EREG: variants seen among roughly 807,000 people sequenced by gnomAD.
EREG encodes proepiregulin.
Under a neutral mutation model 22.4 loss-of-function variants are expected in EREG, and 23 were observed. That is an observed-to-expected ratio of 1.03 (90% CI 0.74 to 1.46). The LOEUF is 1.46. Among genes scored for constraint, EREG ranks in the 40% most tolerant of loss-of-function variants. The pLI, the probability that EREG is intolerant of heterozygous loss-of-function variation, is 0.00. For missense variants in EREG, 226 were observed against 205.9 expected (o/e 1.10, Z -0.60); for synonymous variants, 100 against 75.4 (o/e 1.33, Z -1.69).
Position 74,385,693 on chromosome 4 carries a change from C to A in EREG, c.*885C>A, listed in dbSNP as rs887794674. On this transcript the variant is annotated 3_prime_UTR_variant, in exon 5 of 5. Coordinates refer to ENST00000244869, the MANE Select transcript of EREG (RefSeq NM_001432.3). ...TTTAGACTATTTCTTTTTATAGGGG[C>A]TTTGCTGAATTCTAACATTAAATCA... is the stretch of plus-strand genomic sequence containing the variant. 3 of 371,200 alleles carry A rather than the reference C, an allele frequency of 8.1e-6. No individual in the cohort carries two copies. The highest frequency in any genetic ancestry group is 1.4e-5 in the Non-Finnish European group (3 of 208,744). The allele number at this position is 371,200 out of a possible 1,614,324, so 23.0% of individuals were successfully genotyped here.
At chr4:74,365,409 A>G (rs1752160173) in intron 1 of EREG, 34 bp downstream of exon 1, 1 of 1,603,918 alleles carries the variant, frequency 6.2e-7, no homozygotes, top group Non-Finnish European at 8.5e-7. Context: ...CGGCCGCCCC[A>G]AAGAGGAGAC....
chr4:74,367,769 GCCTTT>G (rs1752210992), intron 1 of EREG, among the ~76,000 whole-genome samples: 1 of 152,138 alleles, frequency 6.6e-6, no homozygotes, highest in African/African-American at 2.4e-5. Flanking sequence ...GTGATGACAG[GCCTTT>G]CCTGTCTGGA....
Position 74,385,823 on chromosome 4 carries a change from G to T in EREG, c.*1015G>T. ...TACAGTTATTTCATCTTTTATTCAA[G>T]GAAGTTTTAACTTTAATACAGCTCA... On this transcript the variant is annotated 3_prime_UTR_variant, in exon 5 of 5. Transcript: ENST00000244869. 1 of 396,264 alleles carries T rather than the reference G, an allele frequency of 2.5e-6. No homozygotes were observed. Among genetic ancestry groups the T allele is most frequent in the East Asian group, 3.6e-5 (1 of 27,886 alleles). 24.5% of individuals were successfully genotyped at this position (396,264 alleles called of 1,614,324 possible).
rs1249143363 is a variant in EREG at position 74,383,748 on chromosome 4, A to G, written c.428+954A>G. On this transcript the variant is annotated intron_variant, in intron 4 of 4. Coordinates refer to ENST00000244869, the MANE Select transcript of EREG (RefSeq NM_001432.3). ...AAGTGTGCTACTTTCATAATATTAA[A>G]TTTATTTTGTCCACATTTGATTCTA... Among the ~76,000 whole-genome samples the G allele has an allele frequency of 2.0e-5, 3 of 152,170 alleles. No individual in the cohort carries two copies. In the East Asian group the frequency reaches 5.8e-4, roughly 29 times the overall value.
Position 74,382,719 on chromosome 4 carries a change from A to C in EREG, c.353A>C (p.Tyr118Ser), listed in dbSNP as rs1752499134. The C allele has an allele frequency of 1.2e-6, 2 of 1,613,684 alleles. No individual in the cohort carries two copies. Among genetic ancestry groups the C allele is most frequent in the African/African-American group, 1.3e-5 (1 of 75,052 alleles). The change falls in exon 4 of 5, where the codon TAT becomes TCT. Residue 118 changes from tyrosine to serine, a missense_variant. Tyr to Ser is a moderately radical substitution (Grantham distance 144). Coordinates refer to ENST00000244869, the MANE Select transcript of EREG (RefSeq NM_001432.3). ...GTCCACCAACCTTTAAGCAAAGAAT[A>C]TGTGGCTTTGACCGTGATTCTTATT... ...LTVHQPLSKE[Y>S]VALTVILIIL...
intron 1 of EREG, among the ~76,000 whole-genome samples, chr4:74,373,197 C>T (rs567303147): frequency 5.9e-5 from 9 of 151,806 alleles, no homozygotes; most frequent in African/African-American, 1.7e-4. Context: ...TAGATAATTC[C>T]CTTATATTTT....
chr4:74,368,118 CAT>C (rs1193922933), intron 1 of EREG, among the ~76,000 whole-genome samples: 16 of 152,286 alleles, frequency 1.1e-4, no homozygotes, highest in African/African-American at 3.4e-4. Context: ...GCATAATAAA[CAT>C]AGCAGATTCT....
chr4:74,379,674 A>C lies in EREG; in HGVS notation c.154+140A>C, dbSNP rs1488596406. The stretch of plus-strand genomic sequence containing the variant: ...TATATTACTTTTTAAATCACCATAT[A>C]AACTAATGTTCTGAAAAAATTATAT... On this transcript the variant is annotated intron_variant, in intron 2 of 4. Coordinates refer to ENST00000244869, the MANE Select transcript of EREG (RefSeq NM_001432.3). The C allele has an allele frequency of 1.7e-4, 92 of 529,934 alleles. 1 individual carries two copies. In the East Asian group the frequency reaches 2.7e-3, roughly 15 times the overall value. 32.8% of individuals were successfully genotyped at this position (529,934 alleles called of 1,614,324 possible). A position where few individuals can be genotyped will look rare whatever the true frequency, so the allele number is the denominator to read the frequency against.
chr4:74,380,983 G>T, intron 2 of EREG, 31 bp from the exon 3 acceptor site: 1 of 1,606,318 alleles, frequency 6.2e-7, no homozygotes, highest in Non-Finnish European at 8.5e-7. Flanking sequence ...GAAGGCTGCA[G>T]AATATATTCA....
rs113410046 is a variant in EREG, at chr4:74,369,950, CA to C, written c.67+4585del. ...CTGTCATCATAAAAATGGTTTCTTACAAAAAAAAAAGCCTCATTTAGTTCTT... is the reference window on the plus strand; with the variant it reads ...CTGTCATCATAAAAATGGTTTCTTACAAAAAAAAAGCCTCATTTAGTTCTT... On this transcript the variant is annotated intron_variant, in intron 1 of 4. Coordinates refer to ENST00000244869, the MANE Select transcript of EREG (RefSeq NM_001432.3). 5.7e-3 allele frequency among the ~76,000 whole-genome samples: 819 copies of C among 144,548 alleles called. 3 individuals carry two copies. Among genetic ancestry groups the C allele is most frequent in the African/African-American group, 8.2e-3 (324 of 39,616 alleles). 94.8% of individuals were successfully genotyped at this position (144,548 alleles called of 152,430 possible).
intron 4 of EREG, among the ~76,000 whole-genome samples, chr4:74,384,312 G>T (rs138477352): frequency 1.3e-5 from 2 of 152,232 alleles, no homozygotes; most frequent in East Asian, 3.9e-4. Flanking sequence ...TTTGATTAGT[G>T]ATAGCATTAT....
Position 74,384,902 on chromosome 4 carries a change from T to A in EREG, c.*94T>A, listed in dbSNP as rs1752545294. 1.4e-6 allele frequency: 1 copy of A among 718,506 alleles called. No homozygotes were observed. The highest frequency in any genetic ancestry group is 2.4e-6 in the Non-Finnish European group (1 of 420,582). The allele number at this position is 718,506 out of a possible 1,614,324, so 44.5% of individuals were successfully genotyped here. On this transcript the variant is annotated 3_prime_UTR_variant, in exon 5 of 5. Transcript: ENST00000244869. The stretch of plus-strand genomic sequence containing the variant: ...AATAATATTTATGTTGGGTCAAGTG[T>A]TAGGTCAATAACACTGTATTTTAAT...
chr4:74,365,188 G>T lies in EREG; in HGVS notation c.-121G>T. 1 of 718,114 alleles carries T rather than the reference G, an allele frequency of 1.4e-6. No individual in the cohort carries two copies. The highest frequency in any genetic ancestry group is 2.4e-6 in the Non-Finnish European group (1 of 414,286). 44.5% of individuals were successfully genotyped at this position (718,114 alleles called of 1,614,324 possible). A position where few individuals can be genotyped will look rare whatever the true frequency, so the allele number is the denominator to read the frequency against. ...GTGTCAGAGGGACACAGCCAACGTG[G>T]GGTCCCTTCTAGGCTGACAGCCGCT... On this transcript the variant is annotated 5_prime_UTR_variant, in exon 1 of 5. Transcript: ENST00000244869.
intron 1 of EREG, among the ~76,000 whole-genome samples, chr4:74,367,139 T>C (rs570118973): frequency 6.6e-6 from 1 of 152,372 alleles, no homozygotes; most frequent in Admixed American, 6.5e-5. Context: ...TTTATGTAGT[T>C]ATGACTAGGG....
At position 74,365,551 on chromosome 4, in the gene EREG, G is replaced by T. The variant is rs1462778384; in HGVS notation, c.67+176G>T. 1.5e-5 allele frequency among the ~76,000 whole-genome samples: 2 copies of T among 135,654 alleles called. 1 individual carries two copies. Among genetic ancestry groups the T allele is most frequent in the African/African-American group, 5.4e-5 (2 of 37,196 alleles). The allele number at this position is 135,654 out of a possible 152,430, so 89.0% of individuals were successfully genotyped here. ...CCCTATGGTGGGACTGGGGTGGGGG[G>T]GACTGGGGATCGATGTTAAAATGCT... On this transcript the variant is annotated intron_variant, in intron 1 of 4. Transcript: ENST00000244869.
At position 74,386,125 on chromosome 4, in the gene EREG, T is replaced by G. The variant is rs904141077; in HGVS notation, c.*1317T>G. The G allele has an allele frequency of 3.6e-6, 1 of 279,918 alleles. No individual in the cohort carries two copies. Among genetic ancestry groups the G allele is most frequent in the Non-Finnish European group, 6.6e-6 (1 of 151,576 alleles). The allele number at this position is 279,918 out of a possible 1,614,324, so 17.3% of individuals were successfully genotyped here. Reference sequence around the variant, plus strand: ...CTCAGAGAGTTAATAGGAGTATTTTTGGGCTATTGCATAAGGAGCCACTGC... The same window carrying G: ...CTCAGAGAGTTAATAGGAGTATTTTGGGGCTATTGCATAAGGAGCCACTGC... On this transcript the variant is annotated 3_prime_UTR_variant, in exon 5 of 5. Transcript: ENST00000244869.
chr4:74,367,678 T>C (rs1752210090), intron 1 of EREG, among the ~76,000 whole-genome samples: 3 of 152,198 alleles, frequency 2.0e-5, no homozygotes, highest in African/African-American at 7.2e-5. Flanking sequence ...GGCTTGTCTT[T>C]GATCATTTCT....
chr4:74,374,228 T>A (rs972521225), intron 1 of EREG, among the ~76,000 whole-genome samples: 2 of 152,332 alleles, frequency 1.3e-5, no homozygotes, highest in African/African-American at 2.4e-5. Context: ...TTAATTTGGA[T>A]CATTTTTATT....
intron 1 of EREG, among the ~76,000 whole-genome samples, chr4:74,374,749 G>C (rs1203633954): frequency 6.6e-6 from 1 of 151,800 alleles, no homozygotes; most frequent in African/African-American, 2.4e-5. Flanking sequence ...TGTAGGCTCG[G>C]TCCTGACTCA....
Sources: gnomAD v4.1 joint callset for allele counts (sites outside exome capture counted in the v4.1 genomes callset) on GRCh38, gnomAD v4.1.1 for gene constraint, MANE v1.5 for transcripts, NCBI Gene and HGNC (gene_info 2026-07-23, HGNC 2026-07-21) for gene names.